The following OXR1 variants were observed in gnomAD, a reference collection of about 807,000 sequenced individuals.
OXR1 encodes the protein oxidation resistance protein 1.
Under a neutral mutation model 104.6 loss-of-function variants are expected in OXR1, and 41 were observed. The observed-to-expected ratio is 0.39, with a 90% CI of 0.31 to 0.51. The LOEUF (loss-of-function observed/expected upper bound fraction) is 0.51. OXR1 is among the 20% of genes least tolerant of loss of function. OXR1 has a pLI of 0.77. For synonymous variants in OXR1, 348 were observed against 348.4 expected, an observed-to-expected ratio of 1.00 and a Z score of 0.01; for missense variants, 955 against 1,031.9, an observed-to-expected ratio of 0.93 and a Z score of 1.02.
chr8:106,482,418 A>G (rs1180900387), intron 2 of OXR1, among the ~76,000 whole-genome samples: 2 of 3,406 alleles, frequency 5.9e-4, no homozygotes, highest in African/African-American at 8.7e-4. Context: ...GAACTGGGGG[A>G]AAAAAAAAAA....
intron 2 of OXR1, among the ~76,000 whole-genome samples, chr8:106,430,539 T>C (rs1269106260): frequency 6.6e-6 from 1 of 152,218 alleles, no homozygotes; most frequent in Non-Finnish European, 1.5e-5. Flanking sequence ...CCTACCTCTA[T>C]TGAAATGAAG....
chr8:106,679,192 T>G lies in OXR1; in HGVS notation c.221-18T>G. The G allele has an allele frequency of 6.7e-7, 1 of 1,497,738 alleles. No homozygotes were observed. The highest frequency in any genetic ancestry group is 9.3e-7 in the Non-Finnish European group (1 of 1,078,802). The allele number at this position is 1,497,738 out of a possible 1,614,324, so 92.8% of individuals were successfully genotyped here. ...AAAGAAAGATGAATTTAATAGGAAT[T>G]TTGCCTTTTTTTCCCAGACACTGGC... On this transcript the variant is annotated intron_variant, in intron 3 of 16. Coordinates refer to ENST00000517566, the MANE Select transcript of OXR1 (RefSeq NM_001198533.2).
intron 2 of OXR1, among the ~76,000 whole-genome samples, chr8:106,370,009 A>G (rs926176638): frequency 3.3e-5 from 5 of 152,186 alleles, no homozygotes; most frequent in Admixed American, 3.3e-4. Context: ...TTTTCACGAC[A>G]TTGATTCTTC....
In OXR1 at chr8:106,706,854, G is replaced by C; in HGVS notation, c.1333G>C (p.Gly445Arg). Residue 445 changes from glycine to arginine, a missense_variant, in exon 9 of 17, where the codon GGT becomes CGT. Physicochemically the swap from Gly to Arg is moderately radical, Grantham distance 125. Transcript: ENST00000517566. ...GPKEDSTSIK[G>R]NSDQDSFLHE... The stretch of plus-strand genomic sequence containing the variant: ...TAAAGAAGACAGCACAAGTATAAAA[G>C]GTAATTCAGACCAGGATTCTTTTCT... The C allele has an allele frequency of 6.2e-7, 1 of 1,612,180 alleles. No homozygotes were observed. Among genetic ancestry groups the C allele is most frequent in the Non-Finnish European group, 8.5e-7 (1 of 1,179,630 alleles).
chr8:106,563,299 A>G (rs1405759770), intron 3 of OXR1, among the ~76,000 whole-genome samples: 115 of 37,744 alleles, frequency 3.0e-3, no homozygotes, highest in African/African-American at 7.2e-3. Context: ...TGGAAAGCAA[A>G]AAAAAAAAAA....
chr8:106,356,198 A>G (rs138370012), intron 1 of OXR1, among the ~76,000 whole-genome samples: 1 of 152,152 alleles, frequency 6.6e-6, no homozygotes, highest in South Asian at 2.1e-4. Context: ...CAATGGCTAC[A>G]TTTTAAAGGG....
chr8:106,746,427 G>T (rs1835402896), intron 16 of OXR1, among the ~76,000 whole-genome samples: 1 of 152,116 alleles, frequency 6.6e-6, no homozygotes, highest in South Asian at 2.1e-4. Context: ...TCTTTGCATT[G>T]TTGGGAGGTA....
chr8:106,610,516 A>G (rs901513780), intron 3 of OXR1, among the ~76,000 whole-genome samples: 1 of 152,178 alleles, frequency 6.6e-6, no homozygotes, highest in East Asian at 1.9e-4. Context: ...GTTCTTGCTT[A>G]TTTTTCTAAC....
chr8:106,377,338 C>G (rs1412639231), intron 2 of OXR1, among the ~76,000 whole-genome samples: 2 of 151,884 alleles, frequency 1.3e-5, no homozygotes, highest in African/African-American at 2.4e-5. Flanking sequence ...TGCACCACCA[C>G]ACTTGCCTAA....
intron 1 of OXR1, among the ~76,000 whole-genome samples, chr8:106,312,356 G>A (rs1813742265): frequency 6.6e-6 from 1 of 152,222 alleles, no homozygotes; most frequent in Non-Finnish European, 1.5e-5. Context: ...TTAGAAGAGT[G>A]TCCTCAGGGT....
intron 2 of OXR1, among the ~76,000 whole-genome samples, chr8:106,458,681 C>G (rs1331308084): frequency 6.6e-6 from 1 of 152,050 alleles, no homozygotes. Context: ...GTGGACTGAG[C>G]CCAGCAGTCC....
chr8:106,663,108 A>G (rs527739613), intron 3 of OXR1, among the ~76,000 whole-genome samples: 3 of 152,198 alleles, frequency 2.0e-5, no homozygotes, highest in Non-Finnish European at 2.9e-5. Flanking sequence ...AGCATTTCAG[A>G]TAAGTGGTAC....
At chr8:106,536,321 C>T (rs560210463) in intron 3 of OXR1, among the ~76,000 whole-genome samples, 3 of 151,786 alleles carry the variant, frequency 2.0e-5, no homozygotes, top group Non-Finnish European at 4.4e-5. Context: ...AACACCTGAC[C>T]AAATGATGTG....
intron 2 of OXR1, among the ~76,000 whole-genome samples, chr8:106,398,539 T>C (rs973804069): frequency 2.6e-5 from 4 of 152,178 alleles, no homozygotes; most frequent in Non-Finnish European, 4.4e-5. Context: ...CTTTCTATTT[T>C]TGAATACTGA....
chr8:106,566,009 A>C (rs1364391540), intron 3 of OXR1, among the ~76,000 whole-genome samples: 2 of 152,180 alleles, frequency 1.3e-5, no homozygotes, highest in African/African-American at 4.8e-5. Flanking sequence ...CAGACTCAAA[A>C]CCATAAAAAC....
Position 106,552,844 on chromosome 8 carries a change from T to C in OXR1, c.220+33705T>C, listed in dbSNP as rs1017770972. ...TTTCTCTTAACAATAGTGACATTGG[T>C]GGGTTCTCAGTTTACTTAAATCCAC... is the stretch of plus-strand genomic sequence containing the variant. On this transcript the variant is annotated intron_variant, in intron 3 of 16. Transcript: ENST00000517566. Among the ~76,000 whole-genome samples, 4 of 152,310 alleles carry C rather than the reference T, an allele frequency of 2.6e-5. No individual in the cohort carries two copies. The East Asian group carries it at 7.7e-4, about 29-fold the overall frequency.
intron 3 of OXR1, among the ~76,000 whole-genome samples, chr8:106,560,648 ACT>A (rs1025308193): frequency 1.3e-5 from 2 of 152,144 alleles, no homozygotes; most frequent in African/African-American, 4.8e-5. Context: ...AGTAGATCCC[ACT>A]CTCTGATGAA....
chr8:106,431,497 C>G (rs1409744378), intron 2 of OXR1, among the ~76,000 whole-genome samples: 2 of 152,148 alleles, frequency 1.3e-5, no homozygotes, highest in Non-Finnish European at 1.5e-5. Flanking sequence ...TTATATTTCT[C>G]TCATAAGAAA....
At chr8:106,694,886 AATAG>A (rs1376757622) in intron 7 of OXR1, among the ~76,000 whole-genome samples, 2 of 134,718 alleles carry the variant, frequency 1.5e-5, no homozygotes, top group Admixed American at 1.6e-4. Context: ...ATATATATTT[AATAG>A]ATAAATATAT....
Sources: allele counts gnomAD v4.1 joint callset (sites outside exome capture counted in the v4.1 genomes callset), GRCh38; gene constraint gnomAD v4.1.1; transcripts MANE v1.5; gene names NCBI Gene and HGNC (gene_info 2026-07-23, HGNC 2026-07-21).